TMPRSS11B: variants seen among roughly 807,000 people sequenced by gnomAD.
The protein encoded by TMPRSS11B is transmembrane serine protease 11B.
Under a neutral mutation model 44.7 loss-of-function variants are expected in TMPRSS11B, and 53 were observed. The ratio of observed to expected loss-of-function variants is 1.19; its 90% CI spans 0.95 to 1.49. The LOEUF is 1.49. TMPRSS11B is among the 40% of genes most tolerant of loss of function. The pLI is 0.00. For missense variants in TMPRSS11B, 526 were observed against 494.8 expected (o/e 1.06, Z -0.60); for synonymous variants, 140 against 159.2 (o/e 0.88, Z 0.91).
At chr4:68,239,995 G>A (rs1282369736) in intron 2 of TMPRSS11B, among the ~76,000 whole-genome samples, 1 of 152,162 alleles carries the variant, frequency 6.6e-6, no homozygotes, top group East Asian at 1.9e-4. Context: ...AGAAAGAGAT[G>A]AACCAAAGTC....
At chr4:68,237,679 G>A (rs1053597186) in intron 2 of TMPRSS11B, among the ~76,000 whole-genome samples, 12 of 152,078 alleles carry the variant, frequency 7.9e-5, no homozygotes, top group Non-Finnish European at 1.5e-4. Context: ...TGCTTCACGT[G>A]ATACATTAGG....
intron 8 of TMPRSS11B, 127 bp downstream of exon 8, chr4:68,229,130 A>G (rs1719434780): frequency 9.5e-7 from 1 of 1,057,648 alleles, no homozygotes; most frequent in Non-Finnish European, 1.4e-6. Flanking sequence ...TTGTCCCACC[A>G]CTTGGTTTTC....
rs139320971 is a variant in TMPRSS11B at position 68,228,144 on chromosome 4, T to C, written c.1090-72A>G. 2.2e-3 allele frequency: 3,058 copies of C among 1,368,622 alleles called. 6 individuals are homozygous for C. Among genetic ancestry groups the C allele is most frequent in the Non-Finnish European group, 2.4e-3 (2,503 of 1,023,772 alleles). 84.8% of individuals were successfully genotyped at this position (1,368,622 alleles called of 1,614,324 possible). A position where few individuals can be genotyped will look rare whatever the true frequency, so the allele number is the denominator to read the frequency against. ...TCCTTTTACCTCTCCTGTGGAGTTA[T>C]CTGTACCTCCTGGGCACTGAAACCA... On this transcript the variant is annotated intron_variant, in intron 9 of 9. Coordinates refer to ENST00000332644, the MANE Select transcript of TMPRSS11B (RefSeq NM_182502.3).
At position 68,241,771 on chromosome 4, in the gene TMPRSS11B, T is replaced by C; in HGVS notation, c.42A>G (p.Leu14=). ...CAAGAAAAATAAAGATCGTAGTCCA[T>C]AGTGGCCAAGATCTTTGGGAAGATA... The part of the protein sequence containing the change: ...HGISSQRSWP[L]WTTIFIFLGV... The change falls in exon 2 of 10, where the codon CTA becomes CTG. Residue 14 remains leucine, a synonymous_variant. Transcript: ENST00000332644. 2 of 1,613,320 alleles carry C rather than the reference T, an allele frequency of 1.2e-6. No individual in the cohort carries two copies. Among genetic ancestry groups the C allele is most frequent in the East Asian group, 2.2e-5 (1 of 44,842 alleles).
chr4:68,238,012 C>T (rs1448921545), intron 2 of TMPRSS11B, among the ~76,000 whole-genome samples: 2 of 151,816 alleles, frequency 1.3e-5, no homozygotes. Flanking sequence ...GTGAGACCCT[C>T]ATGTCAAAAA....
At chr4:68,242,310 T>A (rs1295838002) in intron 1 of TMPRSS11B, among the ~76,000 whole-genome samples, 2 of 7,104 alleles carry the variant, frequency 2.8e-4, no homozygotes, top group African/African-American at 7.2e-4. Context: ...ATAATATATA[T>A]AATATTATAT....
rs758319752 is a variant in TMPRSS11B, at chr4:68,229,527, C to A, written c.687-11G>T. 1.2e-6 allele frequency: 2 copies of A among 1,606,410 alleles called. No individual in the cohort carries two copies. The highest frequency in any genetic ancestry group is 1.7e-6 in the Non-Finnish European group (2 of 1,175,672). On this transcript the variant is annotated splice_polypyrimidine_tract_variant and intron_variant, in intron 7 of 9. Coordinates refer to ENST00000332644, the MANE Select transcript of TMPRSS11B (RefSeq NM_182502.3). ...TTTGAATTATTTTTCCTAGAGGACA[C>A]AATGTAATTAGAATACACTCAGTTG...
In TMPRSS11B at chr4:68,228,029, A is replaced by G. The variant is rs747424229; in HGVS notation, c.1133T>C (p.Ile378Thr). ...GPLAYPDSRN[I>T]WHLVGIVSWG... ...GCTTACTATTCCAACAAGATGCCAG[A>G]TATTTCTGGAATCAGGGTAAGCTAG... Residue 378 changes from isoleucine to threonine, a missense_variant, in exon 10 of 10, where the codon ATC becomes ACC. Ile to Thr is a moderately conservative substitution (Grantham distance 89). Coordinates refer to ENST00000332644, the MANE Select transcript of TMPRSS11B (RefSeq NM_182502.3). 4 of 1,613,560 alleles carry G rather than the reference A, an allele frequency of 2.5e-6. No homozygotes were observed. The African/African-American group carries it at 4.0e-5, about 16-fold the overall frequency.
rs532639771 is a variant in TMPRSS11B at position 68,241,122 on chromosome 4, A to G, written c.124+567T>C. 2.0e-5 allele frequency among the ~76,000 whole-genome samples: 3 copies of G among 152,270 alleles called. No homozygotes were observed. In the South Asian group the frequency reaches 6.2e-4, roughly 32 times the overall value. Reference sequence around the variant, plus strand: ...GATGTCAAATTTATTTTAAAACATTAAATAACTATACAGGTTTAAGGACTT... The same window carrying G: ...GATGTCAAATTTATTTTAAAACATTGAATAACTATACAGGTTTAAGGACTT... On this transcript the variant is annotated intron_variant, in intron 2 of 9. Transcript: ENST00000332644.
In TMPRSS11B at chr4:68,229,486, G is replaced by A; in HGVS notation, c.717C>T (p.Asn239=). 6.2e-7 allele frequency: 1 copy of A among 1,612,768 alleles called. No individual in the cohort carries two copies. The highest frequency in any genetic ancestry group is 8.5e-7 in the Non-Finnish European group (1 of 1,179,296). The change falls in exon 8 of 10, where the codon AAC becomes AAT. Residue 239 remains asparagine, a synonymous_variant. Coordinates refer to ENST00000332644, the MANE Select transcript of TMPRSS11B (RefSeq NM_182502.3). ...KKNNSKDWTV[N]FGIVVNKPYM... is the part of the protein sequence containing the mutation. ...ATGGTTTATTTACTACAATTCCAAA[G>A]TTGACAGTCCAATCTTTTGAATTAT...
intron 6 of TMPRSS11B, 87 bp downstream of exon 6, chr4:68,232,291 G>T (rs1195931026): frequency 2.0e-5 from 25 of 1,281,812 alleles, no homozygotes; most frequent in Non-Finnish European, 2.6e-5. Context: ...ATTTCCACAT[G>T]ACATATTTCA....
At chr4:68,231,482 A>G (rs924583748) in intron 6 of TMPRSS11B, 102 bp from the exon 7 acceptor site, 14 of 1,071,766 alleles carry the variant, frequency 1.3e-5, no homozygotes, top group Non-Finnish European at 1.7e-5. Flanking sequence ...TGATTATTCA[A>G]CTTCTCCTAA....
At chr4:68,242,266 A>ATATTATATATATTATAATAT (rs1231771684) in intron 1 of TMPRSS11B, among the ~76,000 whole-genome samples, 1 of 31,400 alleles carries the variant, frequency 3.2e-5, no homozygotes, top group African/African-American at 1.6e-4. Flanking sequence ...TAATATATAT[A>ATATTATATATATTATAATAT]ATATAATATT....
chr4:68,244,441 A>G lies in TMPRSS11B; in HGVS notation c.8+1110T>C, dbSNP rs146617573. Reference sequence around the variant, plus strand: ...GGTGTTTGAGACTAGCCTGGCCAACATGGTGAAACCCCATCTCTACCAAAA... The same window carrying G: ...GGTGTTTGAGACTAGCCTGGCCAACGTGGTGAAACCCCATCTCTACCAAAA... On this transcript the variant is annotated intron_variant, in intron 1 of 9. Transcript: ENST00000332644. 5.4e-3 allele frequency among the ~76,000 whole-genome samples: 819 copies of G among 152,354 alleles called. 3 individuals carry two copies. Among genetic ancestry groups the G allele is most frequent in the Middle Eastern group, 0.02 (6 of 294 alleles).
At chr4:68,244,739 C>A (rs1048860088) in intron 1 of TMPRSS11B, among the ~76,000 whole-genome samples, 2 of 152,130 alleles carry the variant, frequency 1.3e-5, no homozygotes, top group Non-Finnish European at 2.9e-5. Context: ...TTCCTTTTAA[C>A]CACTTTTGGG....
At chr4:68,233,914 G>T (rs547893339) in intron 5 of TMPRSS11B, among the ~76,000 whole-genome samples, 1 of 152,138 alleles carries the variant, frequency 6.6e-6, no homozygotes, top group Non-Finnish European at 1.5e-5. Context: ...GCTCATGCCT[G>T]TAATCCCAGC....
At chr4:68,241,647 G>A in intron 2 of TMPRSS11B, 42 bp downstream of exon 2, 2 of 1,241,498 alleles carry the variant, frequency 1.6e-6, no homozygotes, top group Non-Finnish European at 2.3e-6. Flanking sequence ...AAAATTTAAA[G>A]ATTTATAGCA....
chr4:68,237,880 G>A (rs746794703), intron 2 of TMPRSS11B, among the ~76,000 whole-genome samples: 4 of 152,114 alleles, frequency 2.6e-5, no homozygotes, highest in African/African-American at 4.8e-5. Flanking sequence ...TGCTGGGCAT[G>A]GTGGCACGTG....
intron 5 of TMPRSS11B, among the ~76,000 whole-genome samples, chr4:68,233,591 T>G (rs1390026439): frequency 6.6e-6 from 1 of 152,130 alleles, no homozygotes; most frequent in Non-Finnish European, 1.5e-5. Flanking sequence ...CATTTTCTAG[T>G]GTTTCTTTAG....
Sources: gnomAD v4.1 joint callset for allele counts (sites outside exome capture counted in the v4.1 genomes callset) on GRCh38, gnomAD v4.1.1 for gene constraint, MANE v1.5 for transcripts, NCBI Gene and HGNC (gene_info 2026-07-23, HGNC 2026-07-21) for gene names.